STARD9: variants seen among roughly 807,000 people sequenced by gnomAD.
STARD9 encodes StAR related lipid transfer domain containing 9.
STARD9 carries 346 observed loss-of-function variants against 399.8 expected under a neutral mutation model. The ratio of observed to expected loss-of-function variants is 0.87; its 90% confidence interval spans 0.79 to 0.95. STARD9 has a LOEUF of 0.95. STARD9 is among the 40% of genes least tolerant of loss of function. The pLI is 0.00. For synonymous variants in STARD9, 2,203 were observed against 2,143.5 expected, an observed-to-expected ratio of 1.03 and a Z score of -0.77; for missense variants, 5,832 against 5,667.5, an observed-to-expected ratio of 1.03 and a Z score of -0.93.
chr15:42,663,948 A>G (rs1159168680), intron 13 of STARD9, 31 bp downstream of exon 13: 2 of 1,372,566 alleles, frequency 1.5e-6, no homozygotes, highest in East Asian at 2.5e-5. Context: ...CTGGTCTGGT[A>G]TAGTTTACAC....
At chr15:42,651,671 T>C (rs2059765893) in intron 8 of STARD9, among the ~76,000 whole-genome samples, 1 of 152,136 alleles carries the variant, frequency 6.6e-6, no homozygotes, top group Admixed American at 6.6e-5. Context: ...CTTTAGAGCC[T>C]TCTATTTATC....
chr15:42,691,184 C>T lies in STARD9; in HGVS notation c.9606C>T (p.Ser3202=). The T allele has an allele frequency of 6.5e-7, 1 of 1,537,242 alleles. No individual in the cohort carries two copies. Among genetic ancestry groups the T allele is most frequent in the South Asian group, 1.2e-5 (1 of 84,064 alleles). The part of the protein sequence containing the change: ...KFVARLKHTC[S]PQEDSPWQEE... ...TAGCAAGGTTAAAACATACCTGCAG[C>T]CCCCAGGAAGACAGTCCCTGGCAGG... The change falls in exon 23 of 33, where the codon AGC becomes AGT. Residue 3202 remains serine, a synonymous_variant. Coordinates refer to ENST00000290607, the MANE Select transcript of STARD9 (RefSeq NM_020759.3).
intron 4 of STARD9, among the ~76,000 whole-genome samples, chr15:42,636,567 C>T (rs1203795454): frequency 2.7e-5 from 4 of 150,488 alleles, no homozygotes; most frequent in South Asian, 2.1e-4. Context: ...GGAAATGGGA[C>T]GAGACTTTGT....
At chr15:42,591,526 C>G (rs2058393630) in intron 3 of STARD9, among the ~76,000 whole-genome samples, 1 of 151,852 alleles carries the variant, frequency 6.6e-6, no homozygotes, top group Non-Finnish European at 1.5e-5. Flanking sequence ...AGCCACTAAT[C>G]TAGGCCAACC....
At position 42,690,583 on chromosome 15, in the gene STARD9, C is replaced by A; in HGVS notation, c.9005C>A (p.Ser3002Tyr). 1 of 1,537,242 alleles carries A rather than the reference C, an allele frequency of 6.5e-7. No individual in the cohort carries two copies. Among genetic ancestry groups the A allele is most frequent in the Non-Finnish European group, 8.7e-7 (1 of 1,146,890 alleles). ...HTIHPPCVVP[S>Y]RAYEMDETGE... ...ATCCACCCACCCTGTGTAGTACCTT[C>A]CAGGGCCTATGAAATGGATGAGACA... is the stretch of plus-strand genomic sequence containing the variant. The change falls in exon 23 of 33, where the codon TCC (serine) becomes TAC (tyrosine). Residue 3002 changes from serine to tyrosine, a missense_variant. Ser to Tyr is a moderately radical substitution (Grantham distance 144, BLOSUM62 -2). Coordinates refer to ENST00000290607, the MANE Select transcript of STARD9 (RefSeq NM_020759.3).
chr15:42,679,188 C>T (rs1399583103), intron 20 of STARD9, among the ~76,000 whole-genome samples: 3 of 152,126 alleles, frequency 2.0e-5, no homozygotes, highest in Admixed American at 6.5e-5. Context: ...AGGATGGGCT[C>T]ATGTTTGTAA....
In STARD9 at chr15:42,687,580, C is replaced by G. The variant is rs999471113; in HGVS notation, c.6002C>G (p.Pro2001Arg). 3 of 1,536,918 alleles carry G rather than the reference C, an allele frequency of 2.0e-6. No individual in the cohort carries two copies. In the Admixed American group the frequency reaches 5.9e-5, roughly 30 times the overall value. Residue 2001 changes from proline to arginine, a missense_variant, in exon 23 of 33, where the codon CCT becomes CGT. By Grantham distance (103) the Pro-to-Arg change is moderately radical. This residue lies in a region of STARD9 where 5,828 missense variants were observed against 5,651.1 expected (regional missense o/e 1.03). Transcript: ENST00000290607. ...SEEFKLPGTK[P>R]AYERFQLVAC... ...GAGTTTAAGCTTCCAGGTACAAAGCCTGCATATGAAAGGTTCCAGTTAGTT... is the reference window on the plus strand; with the variant it reads ...GAGTTTAAGCTTCCAGGTACAAAGCGTGCATATGAAAGGTTCCAGTTAGTT...
At position 42,694,080 on chromosome 15, in the gene STARD9, G is replaced by C. The variant is rs1190404093; in HGVS notation, c.12502G>C (p.Asp4168His). The change falls in exon 23 of 33, where the codon GAT becomes CAT. Residue 4168 changes from aspartate to histidine, a missense_variant. By Grantham distance (81) the Asp-to-His change is moderately conservative (BLOSUM62 -1). Transcript: ENST00000290607. ...TGAGGAGGAGCTGGGGGCCAGCGGT[G>C]ATCTCAGCTCTGAAAAGCAGGAACA... The part of the protein sequence containing the change: ...MTEEELGASG[D>H]LSSEKQEQSP... 15 of 1,537,028 alleles carry C rather than the reference G, an allele frequency of 9.8e-6. 1 individual carries two copies. In the Middle Eastern group the frequency reaches 5.0e-4, roughly 51 times the overall value.
intron 7 of STARD9, 48 bp from the exon 8 acceptor site, chr15:42,650,968 A>G: frequency 7.5e-7 from 1 of 1,338,482 alleles, no homozygotes. Context: ...GTTAAAGTTT[A>G]CCAAAAATCT....
chr15:42,684,009 C>A, intron 22 of STARD9, 107 bp from the exon 23 acceptor site: 1 of 1,257,152 alleles, frequency 8.0e-7, no homozygotes, highest in South Asian at 1.7e-5. Context: ...TTCTCTGGGT[C>A]TGAAGTCTAT....
rs1595740247 is a variant in STARD9 at position 42,669,538 on chromosome 15, G to A, written c.1497+201G>A. On this transcript the variant is annotated intron_variant, in intron 16 of 32. Transcript: ENST00000290607. ...CTTCGTATGTATAGAGCAGAAGACTGGAAATCAGAACAATTGTTTTTCAAC... is the reference window on the plus strand; with the variant it reads ...CTTCGTATGTATAGAGCAGAAGACTAGAAATCAGAACAATTGTTTTTCAAC... 7.2e-6 allele frequency: 3 copies of A among 416,156 alleles called. No homozygotes were observed. The East Asian group carries it at 1.0e-4, about 14-fold the overall frequency. The allele number at this position is 416,156 out of a possible 1,614,324, so 25.8% of individuals were successfully genotyped here. A position where few individuals can be genotyped will look rare whatever the true frequency, so the allele number is the denominator to read the frequency against.
At chr15:42,597,057 CTTTTG>C (rs1489524840) in intron 3 of STARD9, among the ~76,000 whole-genome samples, 1 of 152,088 alleles carries the variant, frequency 6.6e-6, no homozygotes, top group African/African-American at 2.4e-5. Flanking sequence ...CCTGTTTATA[CTTTTG>C]TTTTGATTCT....
chr15:42,596,212 A>T lies in STARD9; in HGVS notation c.234+10575A>T, dbSNP rs147244441. Among the ~76,000 whole-genome samples, 6 of 152,324 alleles carry T rather than the reference A, an allele frequency of 3.9e-5. No homozygotes were observed. The East Asian group carries it at 1.2e-3, about 29-fold the overall frequency. ...AGGGGAGACATGCCCAAAGCTTGAT[A>T]GTCATTTGCAGATGACCAAGGGCAG... On this transcript the variant is annotated intron_variant, in intron 3 of 32. Coordinates refer to ENST00000290607, the MANE Select transcript of STARD9 (RefSeq NM_020759.3).
chr15:42,718,446 T>A lies in STARD9; in HGVS notation c.13774T>A (p.Cys4592Ser). The change falls in exon 31 of 33, where the codon TGC (cysteine) becomes AGC (serine). Residue 4592 changes from cysteine to serine, a missense_variant. Cys to Ser is a moderately radical substitution (Grantham distance 112). This residue lies in a region of STARD9 where 5,828 missense variants were observed against 5,651.1 expected (regional missense o/e 1.03). Coordinates refer to ENST00000290607, the MANE Select transcript of STARD9 (RefSeq NM_020759.3). ...TNSISLVYLV[C>S]NTTLCALKQP... ...CCCTGTCCCTCCAGTGTACTTGGTG[T>A]GCAACACCACCCTGTGCGCACTGAA... 1 of 1,537,114 alleles carries A rather than the reference T, an allele frequency of 6.5e-7. No homozygotes were observed. The highest frequency in any genetic ancestry group is 8.7e-7 in the Non-Finnish European group (1 of 1,146,802).
chr15:42,687,565 T>G lies in STARD9; in HGVS notation c.5987T>G (p.Leu1996Arg), dbSNP rs1428527608. 18 of 1,536,894 alleles carry G rather than the reference T, an allele frequency of 1.2e-5. No homozygotes were observed. Among genetic ancestry groups the G allele is most frequent in the Non-Finnish European group, 1.6e-5 (18 of 1,146,912 alleles). ...RPKDSSEEFK[L>R]PGTKPAYERF... is the part of the protein sequence containing the mutation. ...AAAGATAGCTCAGAAGAGTTTAAGC[T>G]TCCAGGTACAAAGCCTGCATATGAA... is the stretch of plus-strand genomic sequence containing the variant. Residue 1996 changes from leucine to arginine, a missense_variant, in exon 23 of 33, where the codon CTT (leucine) becomes CGT (arginine). Around this residue, in one of 2 missense-constraint regions of STARD9, gnomAD observed 5,828 missense variants for 5,651.1 expected, o/e 1.03. Coordinates refer to ENST00000290607, the MANE Select transcript of STARD9 (RefSeq NM_020759.3).
chr15:42,684,235 G>A lies in STARD9; in HGVS notation c.2657G>A (p.Arg886Lys). 5 of 1,537,276 alleles carry A rather than the reference G, an allele frequency of 3.3e-6. No individual in the cohort carries two copies. Among genetic ancestry groups the A allele is most frequent in the Non-Finnish European group, 4.4e-6 (5 of 1,146,912 alleles). ...HLPQAASYPARTGCLRKNGLH... is the reference protein window; with the variant it reads ...HLPQAASYPAKTGCLRKNGLH... ...CCACAGGCTGCTTCCTACCCTGCAA[G>A]GACAGGGTGCCTCCGCAAGAACGGC... The change falls in exon 23 of 33, where the codon AGG (arginine) becomes AAG (lysine). Residue 886 changes from arginine to lysine, a missense_variant. Around this residue, in one of 2 missense-constraint regions of STARD9, gnomAD observed 5,828 missense variants for 5,651.1 expected, o/e 1.03. Transcript: ENST00000290607.
rs1352363802 is a variant in STARD9 at position 42,689,891 on chromosome 15, C to T, written c.8313C>T (p.Gly2771=). 2.6e-6 allele frequency: 4 copies of T among 1,537,570 alleles called. No individual in the cohort carries two copies. The highest frequency in any genetic ancestry group is 3.5e-6 in the Non-Finnish European group (4 of 1,146,978). The part of the protein sequence containing the change: ...SQSVPQETAE[G]IPPGSQDSSP... Reference sequence around the variant, plus strand: ...CAGTTCCGCAGGAGACTGCAGAGGGCATACCCCCTGGCAGTCAGGACAGCA... The same window carrying T: ...CAGTTCCGCAGGAGACTGCAGAGGGTATACCCCCTGGCAGTCAGGACAGCA... The change falls in exon 23 of 33, where the codon GGC becomes GGT. Residue 2771 remains glycine, a synonymous_variant. Coordinates refer to ENST00000290607, the MANE Select transcript of STARD9 (RefSeq NM_020759.3).
At chr15:42,581,260 T>G (rs752543257) in intron 1 of STARD9, 7 of 873,308 alleles carry the variant, frequency 8.0e-6, no homozygotes, top group Non-Finnish European at 1.4e-5. Context: ...TCCCGGGATA[T>G]TGGGCAGATG....
Position 42,693,128 on chromosome 15 carries a change from G to A in STARD9, c.11550G>A (p.Glu3850=). The change falls in exon 23 of 33, where the codon GAG becomes GAA. Residue 3850 remains glutamate (E), a synonymous_variant. Coordinates refer to ENST00000290607, the MANE Select transcript of STARD9 (RefSeq NM_020759.3). ...TGCCTCCCAGCTCCCAGCCAGAGGA[G>A]TCATATTGCTTAGTTGTCAGCAGTC... The part of the protein sequence containing the change: ...AFLPPSSQPE[E]SYCLVVSSPS... 1 of 1,537,194 alleles carries A rather than the reference G, an allele frequency of 6.5e-7. No individual in the cohort carries two copies. The highest frequency in any genetic ancestry group is 8.7e-7 in the Non-Finnish European group (1 of 1,146,902).
Sources: allele counts gnomAD v4.1 joint callset (sites outside exome capture counted in the v4.1 genomes callset), GRCh38; gene constraint gnomAD v4.1.1; regional missense constraint gnomAD v4.1.1; transcripts MANE v1.5; gene names NCBI Gene and HGNC (gene_info 2026-07-23, HGNC 2026-07-21).